Variants in GPR83 observed in about 807,000 individuals in gnomAD.
GPR83 encodes G protein-coupled receptor 83, also known as G-protein coupled receptor 72.
In GPR83, 23 loss-of-function variants were observed where a neutral mutation model predicts 28.0. That is an observed-to-expected ratio of 0.82 (90% CI 0.59 to 1.16). The LOEUF (loss-of-function observed/expected upper bound fraction) is 1.16, where lower values mean the gene tolerates loss of function less well. GPR83 is among the 50% of genes most tolerant of loss of function. GPR83 has a pLI of 0.00. For synonymous variants in GPR83, 234 were observed against 215.4 expected (o/e 1.09, Z -0.76); for missense variants, 610 against 536.6 (o/e 1.14, Z -1.35).
chr11:94,384,005 C>A (rs1356924417), intron 3 of GPR83, among the ~76,000 whole-genome samples: 1 of 152,096 alleles, frequency 6.6e-6, no homozygotes, highest in Admixed American at 6.6e-5. Flanking sequence ...CACGCTGATA[C>A]CAAAACCTGG....
At chr11:94,385,759 G>T (rs187499861) in intron 3 of GPR83, among the ~76,000 whole-genome samples, 9 of 152,304 alleles carry the variant, frequency 5.9e-5, no homozygotes, top group African/African-American at 1.9e-4. Context: ...ATGGAACCAA[G>T]TTGGAAAACA....
chr11:94,386,371 G>A (rs1461157107), intron 3 of GPR83, among the ~76,000 whole-genome samples: 4 of 152,210 alleles, frequency 2.6e-5, no homozygotes, highest in Middle Eastern at 3.4e-3. Context: ...ATGTAAATGG[G>A]CTAAATGCTC....
chr11:94,382,907 G>C (rs1174068634), intron 3 of GPR83, among the ~76,000 whole-genome samples: 1 of 152,154 alleles, frequency 6.6e-6, no homozygotes, highest in East Asian at 1.9e-4. Flanking sequence ...GCTCATGCCT[G>C]TAATCCCAGC....
At chr11:94,390,139 G>C (rs1944802356) in intron 3 of GPR83, among the ~76,000 whole-genome samples, 1 of 151,648 alleles carries the variant, frequency 6.6e-6, no homozygotes, top group Admixed American at 6.6e-5. Context: ...TTGGACACAG[G>C]AAGGGGAATA....
In GPR83 at chr11:94,389,255, C is replaced by T. The variant is rs1023652304; in HGVS notation, c.647+4230G>A. ...AACCTAGGCAATACCATTCAGGACA[C>T]AGGCATGGGCAAGGACTTCATGTCT... is the stretch of plus-strand genomic sequence containing the variant. On this transcript the variant is annotated intron_variant, in intron 3 of 3. Transcript: ENST00000243673. 3.5e-3 allele frequency among the ~76,000 whole-genome samples: 534 copies of T among 152,204 alleles called. 5 individuals carry two copies. Among genetic ancestry groups the T allele is most frequent in the African/African-American group, 0.012 (508 of 41,544 alleles).
Position 94,380,757 on chromosome 11 carries a change from A to G in GPR83, c.664T>C (p.Ser222Pro), listed in dbSNP as rs1193574127. The change falls in exon 4 of 4, where the codon TCC becomes CCC. Residue 222 changes from serine to proline, a missense_variant. Transcript: ENST00000243673. ...TFKYSEDIVR[S>P]LCLPDFPEPA... ...TCAGGGAAGTCTGGCAGGCAGAGGG[A>G]GCGCACAATGTCCTCACTGGGGGCA... The G allele has an allele frequency of 6.2e-7, 1 of 1,610,338 alleles. No homozygotes were observed. Among genetic ancestry groups the G allele is most frequent in the Non-Finnish European group, 8.5e-7 (1 of 1,178,984 alleles).
At chr11:94,397,369 C>T (rs1444676774) in intron 1 of GPR83, among the ~76,000 whole-genome samples, 1 of 152,150 alleles carries the variant, frequency 6.6e-6, no homozygotes, top group Non-Finnish European at 1.5e-5. Context: ...AGGGCAGAGG[C>T]GGGCTCAACT....
Position 94,396,508 on chromosome 11 carries a change from C to A in GPR83, c.404G>T (p.Ser135Ile), listed in dbSNP as rs779239235. 6.2e-7 allele frequency: 1 copy of A among 1,614,002 alleles called. No individual in the cohort carries two copies. Among genetic ancestry groups the A allele is most frequent in the South Asian group, 1.1e-5 (1 of 91,076 alleles). Residue 135 changes from serine to isoleucine, a missense_variant, in exon 2 of 4, where the codon AGC becomes ATC. Coordinates refer to ENST00000243673, the MANE Select transcript of GPR83 (RefSeq NM_016540.4). ...TPFTLVRFVN[S>I]TWIFGKGMCH... Reference sequence around the variant, plus strand: ...CATGCCCTTCCCAAATATCCATGTGCTGTTCACAAAGCGAACCTGGAGATG... The same window carrying A: ...CATGCCCTTCCCAAATATCCATGTGATGTTCACAAAGCGAACCTGGAGATG...
At chr11:94,399,818 G>C (rs1259666068) in intron 1 of GPR83, among the ~76,000 whole-genome samples, 1 of 152,146 alleles carries the variant, frequency 6.6e-6, no homozygotes, top group Admixed American at 6.5e-5. Flanking sequence ...TGTCACTATG[G>C]TTGCTCAGTC....
At position 94,377,997 on chromosome 11, in the gene GPR83, A is replaced by C. The variant is rs1005002552; in HGVS notation, c.*2152T>G. 1 of 152,150 alleles carries C rather than the reference A, an allele frequency of 6.6e-6. No individual in the cohort carries two copies. Among genetic ancestry groups the C allele is most frequent in the Non-Finnish European group, 1.5e-5 (1 of 68,028 alleles). 9.4% of individuals were successfully genotyped at this position (152,150 alleles called of 1,614,324 possible). A position where few individuals can be genotyped will look rare whatever the true frequency, so the allele number is the denominator to read the frequency against. On this transcript the variant is annotated 3_prime_UTR_variant, in exon 4 of 4. Coordinates refer to ENST00000243673, the MANE Select transcript of GPR83 (RefSeq NM_016540.4). ...GCCTTGTCTCATTCTGGTTCACAGA[A>C]TTTCTATGGCAGCTTTCAGATGAAA...
chr11:94,386,534 G>A (rs74622587), intron 3 of GPR83, among the ~76,000 whole-genome samples: 2 of 152,076 alleles, frequency 1.3e-5, no homozygotes, highest in Admixed American at 6.6e-5. Flanking sequence ...ACAAAAAAAC[G>A]CAGGGGTTGC....
chr11:94,401,198 G>A lies in GPR83; in HGVS notation c.50C>T (p.Thr17Ile). 6.2e-7 allele frequency: 1 copy of A among 1,612,996 alleles called. No homozygotes were observed. The highest frequency in any genetic ancestry group is 8.5e-7 in the Non-Finnish European group (1 of 1,179,632). ...LLCLLPLVRA[T>I]EPHEGRADEQ... ...GTCGGCCCGGCCCTCGTGGGGCTCG[G>A]TGGCTCGCACCAAGGGGAGGAGACA... Residue 17 changes from threonine to isoleucine, a missense_variant, in exon 1 of 4, where the codon ACC becomes ATC. By Grantham distance (89) the Thr-to-Ile change is moderately conservative. Transcript: ENST00000243673.
chr11:94,393,628 A>G lies in GPR83; in HGVS notation c.514-10T>C, dbSNP rs1309596398. On this transcript the variant is annotated splice_polypyrimidine_tract_variant and intron_variant, in intron 2 of 3. Transcript: ENST00000243673. ...AGGGGTGCATGATGACCTGGAAAACAAGCAAACCACATCACTAACTGAAGA... is the reference window on the plus strand; with the variant it reads ...AGGGGTGCATGATGACCTGGAAAACGAGCAAACCACATCACTAACTGAAGA... The G allele has an allele frequency of 6.8e-6, 11 of 1,613,596 alleles. No individual in the cohort carries two copies. In the Middle Eastern group the frequency reaches 6.6e-4, roughly 97 times the overall value.
At chr11:94,385,283 CA>C (rs1364836484) in intron 3 of GPR83, among the ~76,000 whole-genome samples, 1 of 152,176 alleles carries the variant, frequency 6.6e-6, no homozygotes, top group Admixed American at 6.5e-5. Flanking sequence ...TTCTAAAAAT[CA>C]GAGCACCTCT....
intron 3 of GPR83, among the ~76,000 whole-genome samples, chr11:94,385,676 C>T (rs1365093415): frequency 2.0e-5 from 3 of 152,176 alleles, no homozygotes; most frequent in Non-Finnish European, 4.4e-5. Context: ...TGAACAAAGC[C>T]TCCAAGAAAT....
chr11:94,380,459 C>A lies in GPR83; in HGVS notation c.962G>T (p.Arg321Leu), dbSNP rs145628763. ...GGCAAAGTAGAGGGCATTGTTGGTGCGGATGACCTTGCTGGACAGGAGGAG... is the reference window on the plus strand; with the variant it reads ...GGCAAAGTAGAGGGCATTGTTGGTGAGGATGACCTTGCTGGACAGGAGGAG... ...YVLLLSSKVI[R>L]TNNALYFAFH... Residue 321 changes from arginine (R) to leucine (L), a missense_variant, in exon 4 of 4, where the codon CGC (arginine) becomes CTC (leucine). Coordinates refer to ENST00000243673, the MANE Select transcript of GPR83 (RefSeq NM_016540.4). 1.2e-4 allele frequency: 192 copies of A among 1,613,936 alleles called. No homozygotes were observed. Among genetic ancestry groups the A allele is most frequent in the Non-Finnish European group, 1.5e-4 (181 of 1,179,942 alleles).
chr11:94,390,474 G>T (rs1944806667), intron 3 of GPR83, among the ~76,000 whole-genome samples: 1 of 152,108 alleles, frequency 6.6e-6, no homozygotes, highest in African/African-American at 2.4e-5. Context: ...TTTGGCCAGG[G>T]CAATCAGGCA....
rs926488258 is a variant in GPR83 at position 94,377,600 on chromosome 11, T to C, written c.*2549A>G. 1.4e-4 allele frequency: 22 copies of C among 152,180 alleles called. No individual in the cohort carries two copies. Among genetic ancestry groups the C allele is most frequent in the African/African-American group, 5.1e-4 (21 of 41,460 alleles). 9.4% of individuals were successfully genotyped at this position (152,180 alleles called of 1,614,324 possible). A position where few individuals can be genotyped will look rare whatever the true frequency, so the allele number is the denominator to read the frequency against. ...AAATTTTATGATGATGGGAAAGCAA[T>C]ACACATTCAGTAGAAACCATACTTC... On this transcript the variant is annotated 3_prime_UTR_variant, in exon 4 of 4. Coordinates refer to ENST00000243673, the MANE Select transcript of GPR83 (RefSeq NM_016540.4).
chr11:94,397,697 T>A (rs1341469030), intron 1 of GPR83, among the ~76,000 whole-genome samples: 12 of 152,232 alleles, frequency 7.9e-5, no homozygotes, highest in Admixed American at 7.9e-4. Context: ...ACATAGCAAG[T>A]ACTTAACGCT....
Sources: allele counts gnomAD v4.1 joint callset (sites outside exome capture counted in the v4.1 genomes callset), GRCh38; gene constraint gnomAD v4.1.1; transcripts MANE v1.5; gene names NCBI Gene and HGNC (gene_info 2026-07-23, HGNC 2026-07-21).